Variants in NAV3 observed in about 807,000 individuals in gnomAD.
NAV3 encodes the protein pore membrane and/or filament interacting like protein 1.
NAV3 carries 87 observed loss-of-function variants against 244.7 expected under a neutral mutation model. The observed-to-expected ratio is 0.36, with a 90% CI of 0.30 to 0.42. The LOEUF is 0.42. Among genes scored for constraint, NAV3 ranks in the 20% least tolerant of loss-of-function variants. The probability of loss-of-function intolerance (pLI) is 1.00; values close to 1 mark genes in which losing one functional copy is unlikely to be tolerated. For missense variants in NAV3, 2,663 were observed against 2,893.3 expected (o/e 0.92, Z 1.83); for synonymous variants, 1,126 against 1,042.2 (o/e 1.08, Z -1.55).
intron 2 of NAV3, among the ~76,000 whole-genome samples, chr12:77,578,879 C>T (rs965387884): frequency 2.0e-5 from 3 of 150,648 alleles, no homozygotes; most frequent in Non-Finnish European, 3.0e-5. Flanking sequence ...CCTGTTTCCA[C>T]GTCCAACCTT....
chr12:77,587,963 A>G lies in NAV3; in HGVS notation c.72+15697A>G, dbSNP rs143387638. Among the ~76,000 whole-genome samples, 499 of 152,336 alleles carry G rather than the reference A, an allele frequency of 3.3e-3. 3 individuals carry two copies. Among genetic ancestry groups the G allele is most frequent in the African/African-American group, 0.012 (482 of 41,580 alleles). On this transcript the variant is annotated intron_variant, in intron 2 of 8. Coordinates refer to the NAV3 transcript ENST00000550042. Reference sequence around the variant, plus strand: ...CAAAGACACATATATAATAGTTTCCAGTCCATCAAGTAGGTTCTATTATTT... The same window carrying G: ...CAAAGACACATATATAATAGTTTCCGGTCCATCAAGTAGGTTCTATTATTT...
In NAV3 at chr12:77,788,352, G is replaced by A. The variant is rs893820335; in HGVS notation, c.73-151967G>A. On this transcript the variant is annotated intron_variant, in intron 2 of 8. Coordinates refer to the NAV3 transcript ENST00000550042. ...TTACTTCTCATCTGTGGCAGTGTTC[G>A]CCTTAAGTCAGTGCTAAGTGTGGCC... Among the ~76,000 whole-genome samples the A allele has an allele frequency of 4.6e-5, 7 of 152,236 alleles. No individual in the cohort carries two copies. In the South Asian group the frequency reaches 1.2e-3, roughly 27 times the overall value.
In NAV3 at chr12:78,115,557, C is replaced by T. The variant is rs140469830; in HGVS notation, c.2637-1215C>T. Among the ~76,000 whole-genome samples the T allele has an allele frequency of 3.1e-3, 470 of 152,204 alleles. 4 individuals are homozygous for T. The highest frequency in any genetic ancestry group is 0.011 in the African/African-American group (443 of 41,516). On this transcript the variant is annotated intron_variant, in intron 12 of 39. Coordinates refer to ENST00000397909, the MANE Select transcript of NAV3 (RefSeq NM_001024383.2). ...TATTAATACAGCCTATTTAATTTAT[C>T]CTTCTTTAGATTAAAAATAAATAAG... is the stretch of plus-strand genomic sequence containing the variant.
intron 15 of NAV3, 66 bp from the exon 16 acceptor site, chr12:78,121,874 C>A (rs2138674421): frequency 1.3e-6 from 2 of 1,580,372 alleles, no homozygotes; most frequent in Non-Finnish European, 1.7e-6. Flanking sequence ...GTACTGTAAC[C>A]CGAAATATTA....
intron 2 of NAV3, among the ~76,000 whole-genome samples, chr12:77,646,125 C>T (rs1872597408): frequency 6.6e-6 from 1 of 152,162 alleles, no homozygotes; most frequent in East Asian, 1.9e-4. Flanking sequence ...TCTCTAGTCA[C>T]TTACAGCATC....
chr12:77,975,686 G>A (rs537195031), intron 5 of NAV3, among the ~76,000 whole-genome samples: 6 of 152,280 alleles, frequency 3.9e-5, no homozygotes, highest in East Asian at 1.9e-4. Context: ...TCCCAGTTGC[G>A]CTGGATCAGA....
intron 2 of NAV3, among the ~76,000 whole-genome samples, chr12:77,790,800 T>C (rs934296449): frequency 2.6e-5 from 4 of 152,140 alleles, no homozygotes; most frequent in African/African-American, 7.2e-5. Context: ...TATAAGAACA[T>C]TCAGGAGTGC....
chr12:78,150,352 G>C (rs1258445068), intron 22 of NAV3, among the ~76,000 whole-genome samples: 1 of 151,986 alleles, frequency 6.6e-6, no homozygotes, highest in Non-Finnish European at 1.5e-5. Flanking sequence ...ATGTCCCTTG[G>C]TTGAGCTCAT....
At position 77,798,604 on chromosome 12, in the gene NAV3, T is replaced by C. The variant is rs144276927; in HGVS notation, c.73-141715T>C. On this transcript the variant is annotated intron_variant, in intron 2 of 8. Coordinates refer to the NAV3 transcript ENST00000550042. ...CTGTTGTGAGGACTAAATGAAATAA[T>C]GTATGAAGCCTTAATATATAAATGT... Among the ~76,000 whole-genome samples the C allele has an allele frequency of 3.3e-5, 5 of 152,208 alleles. No homozygotes were observed. The East Asian group carries it at 9.7e-4, about 29-fold the overall frequency.
At chr12:77,747,968 G>A (rs1331937620) in intron 2 of NAV3, among the ~76,000 whole-genome samples, 4 of 152,012 alleles carry the variant, frequency 2.6e-5, no homozygotes, top group African/African-American at 4.8e-5. Flanking sequence ...CACCAACATG[G>A]CACCTGTATA....
chr12:77,859,629 ATC>A (rs1456037972), intron 1 of NAV3, among the ~76,000 whole-genome samples: 1 of 143,382 alleles, frequency 7.0e-6, no homozygotes, highest in Non-Finnish European at 1.6e-5. Flanking sequence ...AAAAAAAAAA[ATC>A]AAAGTGAAAA....
At chr12:77,817,045 T>C (rs750778938) in intron 2 of NAV3, among the ~76,000 whole-genome samples, 14 of 152,208 alleles carry the variant, frequency 9.2e-5, no homozygotes, top group Non-Finnish European at 1.9e-4. Context: ...TTCTTTTTCA[T>C]TTTGACTTTT....
intron 1 of NAV3, among the ~76,000 whole-genome samples, chr12:77,872,057 C>T (rs761873469): frequency 6.6e-6 from 1 of 152,110 alleles, no homozygotes; most frequent in Non-Finnish European, 1.5e-5. Flanking sequence ...AGCTTTTTTT[C>T]ATATGTTCGT....
intron 1 of NAV3, among the ~76,000 whole-genome samples, chr12:77,845,128 T>A (rs998338347): frequency 6.6e-6 from 1 of 152,126 alleles, no homozygotes; most frequent in Non-Finnish European, 1.5e-5. Flanking sequence ...AATATGTATA[T>A]GTGTGTATAT....
chr12:77,645,561 C>T (rs1441572615), intron 2 of NAV3, among the ~76,000 whole-genome samples: 4 of 113,056 alleles, frequency 3.5e-5, no homozygotes, highest in African/African-American at 7.5e-5. Context: ...AAAAAAAAAA[C>T]TTTCAAATCT....
At chr12:77,842,075 C>T (rs1875758381) in intron 1 of NAV3, among the ~76,000 whole-genome samples, 2 of 152,192 alleles carry the variant, frequency 1.3e-5, no homozygotes, top group Admixed American at 6.6e-5. Context: ...AAAAATTCAC[C>T]ATTTAAAAAA....
At chr12:78,069,205 G>GT (rs112631348) in intron 12 of NAV3, among the ~76,000 whole-genome samples, 2,893 of 151,634 alleles carry the variant, frequency 0.019, 87 homozygotes, top group African/African-American at 0.066. Flanking sequence ...AATAAGCTTG[G>GT]TTTTTTTTAA....
At chr12:78,032,212 T>G (rs1879121350) in intron 9 of NAV3, among the ~76,000 whole-genome samples, 1 of 152,208 alleles carries the variant, frequency 6.6e-6, no homozygotes. Flanking sequence ...AGATTTGCCA[T>G]ACTATTAAAG....
intron 18 of NAV3, chr12:78,130,200 A>G (rs1956101643): frequency 6.6e-6 from 1 of 152,462 alleles, no homozygotes; most frequent in Non-Finnish European, 1.5e-5. Flanking sequence ...AAATATGTTA[A>G]TAAGCCATAC....
Sources: allele counts gnomAD v4.1 joint callset (sites outside exome capture counted in the v4.1 genomes callset), GRCh38; gene constraint gnomAD v4.1.1; transcripts MANE v1.5; gene names NCBI Gene and HGNC (gene_info 2026-07-23, HGNC 2026-07-21).